RMDN1: variants seen among roughly 807,000 people sequenced by gnomAD.
RMDN1 encodes regulator of microtubule dynamics protein 1.
A neutral mutation model predicts 48.9 loss-of-function variants in RMDN1; 48 were observed. That is an observed-to-expected ratio of 0.98 (90% CI 0.78 to 1.25). The LOEUF (loss-of-function observed/expected upper bound fraction) is 1.25. RMDN1 is among the 50% of genes most tolerant of loss of function. RMDN1 has a pLI of 0.00. For missense variants in RMDN1, 418 were observed against 373.4 expected (o/e 1.12, Z -0.98); for synonymous variants, 148 against 132.6 (o/e 1.12, Z -0.80).
At chr8:86,470,350 T>C (rs1266752567), downstream of RMDN1, 42 of 1,289,268 alleles carry the variant, frequency 3.3e-5, no homozygotes, top group Non-Finnish European at 4.1e-5. Context: ...TTCTCAGTAA[T>C]GGGTCTCACC....
chr8:86,503,520 C>T (rs1459778690), intron 2 of RMDN1: 1 of 222,294 alleles, frequency 4.5e-6, no homozygotes, highest in Non-Finnish European at 9.2e-6. Context: ...AAAGTTATCT[C>T]TGGAATCACA....
In RMDN1 at chr8:86,473,490, G is replaced by A; in HGVS notation, c.*818C>T. ...ACCACATTTAAAGTAAACTGGCCAG[G>A]TGCGGTGGCTCACGCCTGTAATCCC... On this transcript the variant is annotated 3_prime_UTR_variant, in exon 10 of 10. Transcript: ENST00000406452. 3.0e-6 allele frequency: 3 copies of A among 985,198 alleles called. No homozygotes were observed. Among genetic ancestry groups the A allele is most frequent in the Non-Finnish European group, 3.6e-6 (3 of 829,730 alleles). 61.0% of individuals were successfully genotyped at this position (985,198 alleles called of 1,614,324 possible).
At chr8:86,482,336 A>G (rs948908653) in intron 5 of RMDN1, 6 of 328,288 alleles carry the variant, frequency 1.8e-5, no homozygotes, top group African/African-American at 1.1e-4. Flanking sequence ...CTGGAAGCAG[A>G]GGCTGCAGTA....
At chr8:86,503,390 C>CAAAAAA (rs1405705068) in intron 2 of RMDN1, among the ~76,000 whole-genome samples, 5 of 56,612 alleles carry the variant, frequency 8.8e-5, no homozygotes, top group Non-Finnish European at 1.0e-4. Context: ...AAAAAAAAAA[C>CAAAAAA]AAAAAAAAAT....
intron 2 of RMDN1, among the ~76,000 whole-genome samples, chr8:86,488,902 A>T (rs962648717): frequency 6.6e-6 from 1 of 152,238 alleles, no homozygotes; most frequent in African/African-American, 2.4e-5. Context: ...ACTAAATATG[A>T]AACACTAACA....
intron 7 of RMDN1, chr8:86,478,006 C>T (rs1056550143): frequency 6.6e-6 from 1 of 152,152 alleles, no homozygotes; most frequent in Non-Finnish European, 1.5e-5. Flanking sequence ...TCTCCCTCAG[C>T]TTAGCTGAGT....
chr8:86,505,062 G>A (rs1819085580), intron 2 of RMDN1: 1 of 1,430,590 alleles, frequency 7.0e-7, no homozygotes, highest in Non-Finnish European at 9.3e-7. Flanking sequence ...CACCACCAAT[G>A]TCTAAGTCAT....
At chr8:86,504,987 G>A (rs1819067939) in intron 2 of RMDN1, 1 of 1,453,262 alleles carries the variant, frequency 6.9e-7, no homozygotes, top group Non-Finnish European at 9.6e-7. Flanking sequence ...GCAGGCACAT[G>A]GTGCAGATAG....
intron 2 of RMDN1, 90 bp downstream of exon 2, chr8:86,506,905 A>T (rs763124204): frequency 2.8e-6 from 2 of 702,310 alleles, no homozygotes; most frequent in Non-Finnish European, 5.0e-6. Context: ...TATTATTAAC[A>T]TTACCCTGAT....
chr8:86,510,582 A>G (rs1269557124), upstream of RMDN1, among the ~76,000 whole-genome samples: 1 of 152,198 alleles, frequency 6.6e-6, no homozygotes, highest in Non-Finnish European at 1.5e-5. Context: ...CCATCAGATG[A>G]TTGCAGCCTT....
chr8:86,481,693 C>A, intron 5 of RMDN1: 1 of 470,294 alleles, frequency 2.1e-6, no homozygotes, highest in Non-Finnish European at 3.8e-6. Context: ...TTCTTGCTGG[C>A]CCCACCAATG....
At chr8:86,513,950 C>T (rs1055655171) in intron 1 of RMDN1, among the ~76,000 whole-genome samples, 1 of 151,570 alleles carries the variant, frequency 6.6e-6, no homozygotes, top group Non-Finnish European at 1.5e-5. Flanking sequence ...CGTGATCCTT[C>T]TGCCTCAGCC....
intron 4 of RMDN1, among the ~76,000 whole-genome samples, chr8:86,485,980 C>T (rs1815399140): frequency 6.6e-6 from 1 of 152,180 alleles, no homozygotes. Context: ...ACCACCTCGT[C>T]TCCCCGTACG....
At chr8:86,479,049 A>C (rs1028652638) in intron 6 of RMDN1, 39 bp from the exon 7 acceptor site, 18 of 1,426,136 alleles carry the variant, frequency 1.3e-5, no homozygotes, top group Non-Finnish European at 1.7e-5. Context: ...TTCAAATTGT[A>C]CCTTCTTTTC....
chr8:86,487,481 G>A (rs1815671251), intron 3 of RMDN1, among the ~76,000 whole-genome samples: 1 of 152,050 alleles, frequency 6.6e-6, no homozygotes, highest in Admixed American at 6.6e-5. Context: ...CCAGCTACTC[G>A]GGAGGCTGAG....
At chr8:86,489,383 AAC>A (rs1816062196) in intron 2 of RMDN1, among the ~76,000 whole-genome samples, 1 of 152,216 alleles carries the variant, frequency 6.6e-6, no homozygotes, top group African/African-American at 2.4e-5. Context: ...TAATGAAAAA[AAC>A]AGTCTGAATT....
intron 2 of RMDN1, chr8:86,494,966 T>G (rs1375770905): frequency 2.4e-6 from 1 of 421,436 alleles, no homozygotes; most frequent in Non-Finnish European, 4.7e-6. Context: ...ACAGCGAGAC[T>G]CTGTCTCAAA....
At chr8:86,484,987 C>T in intron 4 of RMDN1, 26 bp from the exon 5 acceptor site, 2 of 1,262,924 alleles carry the variant, frequency 1.6e-6, no homozygotes, top group Non-Finnish European at 2.3e-6. Context: ...AGTGTAAGAA[C>T]AATAATATTC....
At chr8:86,469,652 G>A (rs893826813), downstream of RMDN1, among the ~76,000 whole-genome samples, 12 of 152,194 alleles carry the variant, frequency 7.9e-5, no homozygotes, top group Admixed American at 5.9e-4. Flanking sequence ...TTGAACCTAA[G>A]ATGATGTGGT....
Sources: allele counts gnomAD v4.1 joint callset (sites outside exome capture counted in the v4.1 genomes callset), GRCh38; gene constraint gnomAD v4.1.1; transcripts MANE v1.5; gene names NCBI Gene and HGNC (gene_info 2026-07-23, HGNC 2026-07-21).